PDE4D: variants seen among roughly 807,000 people sequenced by gnomAD.
PDE4D encodes 3',5'-cyclic-AMP phosphodiesterase 4D.
A neutral mutation model predicts 87.4 loss-of-function variants in PDE4D; 24 were observed. That is an observed-to-expected ratio of 0.27 (90% CI 0.20 to 0.39). The LOEUF (loss-of-function observed/expected upper bound fraction) is 0.39, where lower values mean the gene tolerates loss of function less well. Ranked by LOEUF, PDE4D falls within the 10% of genes least tolerant of loss-of-function variation. The pLI, the probability that PDE4D is intolerant of heterozygous loss-of-function variation, is 1.00. For missense variants in PDE4D, 714 were observed against 1,041.0 expected (o/e 0.69, Z 4.32); for synonymous variants, 384 against 383.2 (o/e 1.00, Z -0.02).
intron 1 of PDE4D, among the ~76,000 whole-genome samples, chr5:60,367,312 G>A (rs963254942): frequency 1.3e-5 from 2 of 152,036 alleles, no homozygotes; most frequent in African/African-American, 4.8e-5. Context: ...GCCAGGCATG[G>A]TGGTGCATGC....
At chr5:59,903,116 C>T (rs1752446773) in intron 3 of PDE4D, among the ~76,000 whole-genome samples, 1 of 152,156 alleles carries the variant, frequency 6.6e-6, no homozygotes, top group South Asian at 2.1e-4. Flanking sequence ...CTATCCCCCA[C>T]ATCCTTTGGA....
rs552186069 is a variant in PDE4D at position 59,903,580 on chromosome 5, A to C, written c.272+84908T>G. On this transcript the variant is annotated intron_variant, in intron 3 of 16. Transcript: ENST00000502484. ...AAAAAACTGCAATTACTTTTGCACC[A>C]ACCTAATAAATTGACAACTACTACT... Among the ~76,000 whole-genome samples the C allele has an allele frequency of 2.0e-5, 3 of 152,304 alleles. No individual in the cohort carries two copies. In the South Asian group the frequency reaches 6.2e-4, roughly 32 times the overall value.
At chr5:59,292,480 T>C (rs985747009) in intron 1 of PDE4D, among the ~76,000 whole-genome samples, 6 of 152,162 alleles carry the variant, frequency 3.9e-5, no homozygotes, top group African/African-American at 1.2e-4. Flanking sequence ...GGAAGGGTCT[T>C]TATAATTTTG....
intron 1 of PDE4D, among the ~76,000 whole-genome samples, chr5:59,276,914 A>G (rs937171873): frequency 3.9e-5 from 6 of 152,080 alleles, no homozygotes; most frequent in African/African-American, 1.2e-4. Context: ...CTCCCAACAG[A>G]AGGAACAGTT....
Position 59,464,051 on chromosome 5 carries a change from A to G in PDE4D, c.456-248083T>C, listed in dbSNP as rs377700142. 1.6e-4 allele frequency among the ~76,000 whole-genome samples: 24 copies of G among 152,268 alleles called. No individual in the cohort carries two copies. The East Asian group carries it at 3.9e-3, about 25-fold the overall frequency. ...CCTTAAGAGTCATCACCACTCCCTAATCTCAAGTACCCAGGGACACAAAAA... is the reference window on the plus strand; with the variant it reads ...CCTTAAGAGTCATCACCACTCCCTAGTCTCAAGTACCCAGGGACACAAAAA... On this transcript the variant is annotated intron_variant, in intron 1 of 14. Coordinates refer to ENST00000340635, the MANE Select transcript of PDE4D (RefSeq NM_001104631.2).
At chr5:60,354,278 G>A (rs758806257) in intron 1 of PDE4D, among the ~76,000 whole-genome samples, 1 of 152,170 alleles carries the variant, frequency 6.6e-6, no homozygotes, top group Non-Finnish European at 1.5e-5. Context: ...TACAGAAATA[G>A]TGCAAAGTAA....
chr5:59,669,965 A>G (rs956107267), intron 1 of PDE4D, among the ~76,000 whole-genome samples: 2 of 152,152 alleles, frequency 1.3e-5, no homozygotes, highest in Non-Finnish European at 2.9e-5. Flanking sequence ...CACACTGTCT[A>G]TTCCTTAAAA....
intron 1 of PDE4D, among the ~76,000 whole-genome samples, chr5:60,240,487 G>T (rs1277093622): frequency 1.3e-5 from 2 of 152,118 alleles, no homozygotes; most frequent in Non-Finnish European, 2.9e-5. Context: ...CAAGCTGACT[G>T]AAGAGTCCTT....
At chr5:60,080,713 C>A (rs1020972981) in intron 2 of PDE4D, among the ~76,000 whole-genome samples, 13 of 152,180 alleles carry the variant, frequency 8.5e-5, no homozygotes, top group African/African-American at 3.1e-4. Flanking sequence ...ACCAGCCTTG[C>A]AACTCAGGGA....
At chr5:60,358,878 T>C (rs1759831361) in intron 1 of PDE4D, among the ~76,000 whole-genome samples, 1 of 152,218 alleles carries the variant, frequency 6.6e-6, no homozygotes, top group African/African-American at 2.4e-5. Context: ...ATTTAGGAAA[T>C]CTTTTCACTG....
chr5:59,870,706 A>T (rs1747700530), intron 1 of PDE4D, among the ~76,000 whole-genome samples: 1 of 152,202 alleles, frequency 6.6e-6, no homozygotes, highest in Non-Finnish European at 1.5e-5. Context: ...ATTTGGGATC[A>T]CAAACGATTT....
intron 1 of PDE4D, among the ~76,000 whole-genome samples, chr5:60,434,016 C>T (rs903692521): frequency 2.0e-5 from 3 of 152,074 alleles, no homozygotes; most frequent in Admixed American, 1.3e-4. Context: ...CACCAAACCC[C>T]CAAAACACAC....
chr5:60,514,194 T>C (rs1032270264), intron 1 of PDE4D, among the ~76,000 whole-genome samples: 9 of 152,128 alleles, frequency 5.9e-5, no homozygotes, highest in African/African-American at 2.2e-4. Context: ...ATTAAAATTA[T>C]ATTCTGAGTA....
intron 5 of PDE4D, among the ~76,000 whole-genome samples, chr5:59,055,094 A>C (rs1762146388): frequency 6.6e-6 from 1 of 152,228 alleles, no homozygotes. Flanking sequence ...GGAGACAGAT[A>C]GACCATATGA....
At chr5:59,957,765 G>T (rs996004191) in intron 3 of PDE4D, among the ~76,000 whole-genome samples, 1 of 152,034 alleles carries the variant, frequency 6.6e-6, no homozygotes, top group Non-Finnish European at 1.5e-5. Context: ...TTGCTCAAGA[G>T]AGTGTGATGC....
At chr5:59,887,572 A>G (rs1750355385) in intron 1 of PDE4D, among the ~76,000 whole-genome samples, 1 of 152,180 alleles carries the variant, frequency 6.6e-6, no homozygotes, top group Non-Finnish European at 1.5e-5. Context: ...TCCATGATAG[A>G]CTTCAGACAT....
intron 1 of PDE4D, among the ~76,000 whole-genome samples, chr5:59,757,422 T>C (rs1761412573): frequency 6.6e-6 from 1 of 152,198 alleles, no homozygotes; most frequent in East Asian, 1.9e-4. Context: ...AATATTAGCT[T>C]CTAGTCCCAG....
intron 1 of PDE4D, among the ~76,000 whole-genome samples, chr5:59,350,664 C>T (rs1370331402): frequency 2.0e-5 from 3 of 152,212 alleles, no homozygotes; most frequent in Non-Finnish European, 4.4e-5. Context: ...ACAAAAATTG[C>T]TGCCATGTGG....
intron 2 of PDE4D, among the ~76,000 whole-genome samples, chr5:60,155,173 G>T (rs1488941376): frequency 3.9e-5 from 6 of 152,212 alleles, no homozygotes; most frequent in African/African-American, 1.4e-4. Context: ...TACTGCCAAA[G>T]AGTTTTTCAA....
Sources: allele counts gnomAD v4.1 joint callset (sites outside exome capture counted in the v4.1 genomes callset), GRCh38; gene constraint gnomAD v4.1.1; transcripts MANE v1.5; gene names NCBI Gene and HGNC (gene_info 2026-07-23, HGNC 2026-07-21).